RNF115: variants seen among roughly 807,000 people sequenced by gnomAD.
RNF115 encodes the protein E3 ubiquitin-protein ligase RNF115.
In RNF115, 31 loss-of-function variants were observed where a neutral mutation model predicts 39.2. The ratio of observed to expected loss-of-function variants is 0.79; its 90% CI spans 0.59 to 1.07. RNF115 has a LOEUF of 1.07. Among genes scored for constraint, RNF115 ranks in the 50% least tolerant of loss-of-function variants. The pLI is 0.00. For missense variants in RNF115, 384 were observed against 381.7 expected (o/e 1.01, Z -0.05); for synonymous variants, 124 against 131.0 (o/e 0.95, Z 0.37).
chr1:145,751,358 G>T (rs1658079233), intron 6 of RNF115, 80 bp downstream of exon 6: 24 of 992,604 alleles, frequency 2.4e-5, no homozygotes, highest in Non-Finnish European at 3.4e-5. Context: ...TGCCATTTCA[G>T]AAAGTAGCAG....
chr1:145,754,542 T>A (rs1450511887), intron 4 of RNF115, among the ~76,000 whole-genome samples: 2 of 152,090 alleles, frequency 1.3e-5, no homozygotes, highest in Non-Finnish European at 1.5e-5. Context: ...TTAGTAGAGA[T>A]GGGGTTTCAC....
intron 3 of RNF115, among the ~76,000 whole-genome samples, chr1:145,775,711 A>T (rs913860060): frequency 1.4e-4 from 22 of 152,060 alleles, no homozygotes; most frequent in Admixed American, 1.4e-3. Context: ...ATCTTATTGT[A>T]ACCGGGCGCA....
chr1:145,801,098 G>A (rs1159398944), intron 1 of RNF115, among the ~76,000 whole-genome samples: 1 of 152,076 alleles, frequency 6.6e-6, no homozygotes. Flanking sequence ...ATGAACCCAA[G>A]AGGCAGGGCT....
intron 1 of RNF115, among the ~76,000 whole-genome samples, chr1:145,789,700 CTTTTT>C (rs67276251): frequency 4.6e-5 from 4 of 86,766 alleles, no homozygotes; most frequent in Non-Finnish European, 8.3e-5. Flanking sequence ...ACCCGGACTT[CTTTTT>C]TTTTTTTTTT....
chr1:145,763,910 CTCTCCCCATGG>C (rs1658637081), intron 4 of RNF115, among the ~76,000 whole-genome samples: 4 of 146,838 alleles, frequency 2.7e-5, no homozygotes, highest in African/African-American at 1.0e-4. Context: ...CCCCCTCTCC[CTCTCCCCATGG>C]TCTCCCTCTC....
chr1:145,751,688 T>C (rs1251487094), intron 5 of RNF115, among the ~76,000 whole-genome samples, 178 bp from the exon 6 acceptor site: 1 of 152,198 alleles, frequency 6.6e-6, no homozygotes, highest in African/African-American at 2.4e-5. Flanking sequence ...TATCCAGAGA[T>C]AGTACCTCAT....
intron 4 of RNF115, among the ~76,000 whole-genome samples, chr1:145,759,756 G>A (rs1474705560): frequency 6.6e-6 from 1 of 151,936 alleles, no homozygotes; most frequent in African/African-American, 2.4e-5. Flanking sequence ...TGCCAACTAG[G>A]CTTCATATAA....
In RNF115 at chr1:145,752,409, AGACCT is replaced by A. The variant is rs1571707411; in HGVS notation, c.500+564_500+568del. 2.0e-5 allele frequency among the ~76,000 whole-genome samples: 3 copies of A among 152,166 alleles called. 1 individual carries two copies. The highest frequency in any genetic ancestry group is 4.4e-5 in the Non-Finnish European group (3 of 68,010). ...CATTCTCTACCTCAATACAACTCTC[AGACCT>A]GAATATAAAAGGAATCAAGACATTT... On this transcript the variant is annotated intron_variant, in intron 5 of 8. Transcript: ENST00000582693.
chr1:145,794,583 TG>T (rs1648855219), intron 1 of RNF115, among the ~76,000 whole-genome samples: 1 of 147,770 alleles, frequency 6.8e-6, no homozygotes. Flanking sequence ...GATCTCCTAT[TG>T]GAATCATGTG....
At chr1:145,786,930 T>C (rs1160806090) in intron 2 of RNF115, 1 of 526,396 alleles carries the variant, frequency 1.9e-6, no homozygotes, top group Non-Finnish European at 3.3e-6. Flanking sequence ...ATAGATCCCA[T>C]GCCACATATT....
intron 4 of RNF115, among the ~76,000 whole-genome samples, chr1:145,767,663 T>C (rs1553715185): frequency 6.6e-6 from 1 of 152,174 alleles, no homozygotes; most frequent in Non-Finnish European, 1.5e-5. Flanking sequence ...ATCACGCCAC[T>C]GCACTCCAGC....
chr1:145,809,488 A>ACTTTTTTT (rs1649604355), intron 1 of RNF115, among the ~76,000 whole-genome samples: 1 of 46,344 alleles, frequency 2.2e-5, no homozygotes, highest in Admixed American at 3.6e-4. Flanking sequence ...GACCCAGCTA[A>ACTTTTTTT]TTTTTTTTTT....
intron 4 of RNF115, among the ~76,000 whole-genome samples, chr1:145,770,761 C>G (rs1461408714): frequency 6.6e-6 from 1 of 152,168 alleles, no homozygotes; most frequent in East Asian, 1.9e-4. Context: ...AAGCACAGTC[C>G]TCTGCATATG....
chr1:145,813,545 A>G (rs1649828149), intron 1 of RNF115, among the ~76,000 whole-genome samples: 1 of 152,200 alleles, frequency 6.6e-6, no homozygotes, highest in African/African-American at 2.4e-5. Context: ...TACAGTATGT[A>G]ACTTGAGAGG....
At chr1:145,765,170 T>A (rs1039006869) in intron 4 of RNF115, among the ~76,000 whole-genome samples, 4 of 152,184 alleles carry the variant, frequency 2.6e-5, no homozygotes, top group Non-Finnish European at 4.4e-5. Flanking sequence ...CAGGGTTAAA[T>A]GGATTAAGGG....
In RNF115 at chr1:145,797,106, A is replaced by G. The variant is rs587717092; in HGVS notation, c.103-8140T>C. On this transcript the variant is annotated intron_variant, in intron 1 of 8. Transcript: ENST00000582693. ...GAAACCTCAAACCCCTCAACCCATC[A>G]TGATTGCCTAAGTGACCTCCTGCTT... Among the ~76,000 whole-genome samples, 20 of 152,280 alleles carry G rather than the reference A, an allele frequency of 1.3e-4. No homozygotes were observed. In the South Asian group the frequency reaches 3.7e-3, roughly 28 times the overall value.
intron 1 of RNF115, among the ~76,000 whole-genome samples, chr1:145,812,767 C>T (rs1434498346): frequency 2.0e-5 from 3 of 151,824 alleles, no homozygotes; most frequent in Non-Finnish European, 4.4e-5. Context: ...AAATCACTGG[C>T]GCCAACTCAC....
intron 4 of RNF115, among the ~76,000 whole-genome samples, chr1:145,764,533 C>T (rs1273654557): frequency 1.3e-5 from 2 of 151,332 alleles, no homozygotes; most frequent in Admixed American, 6.6e-5. Context: ...GCAGCCGCCC[C>T]GTCTGAGAAG....
At position 145,744,718 on chromosome 1, in the gene RNF115, A is replaced by C. The variant is rs587637056; in HGVS notation, c.*2148T>G. Reference sequence around the variant, plus strand: ...TGGTGTTTTTGTTCTGATCATTCTAAACTGATCATTCTGATCATTGTTGTG... The same window carrying C: ...TGGTGTTTTTGTTCTGATCATTCTACACTGATCATTCTGATCATTGTTGTG... On this transcript the variant is annotated 3_prime_UTR_variant, in exon 9 of 9. Coordinates refer to ENST00000582693, the MANE Select transcript of RNF115 (RefSeq NM_014455.4). 2.0e-4 allele frequency: 30 copies of C among 152,318 alleles called. No individual in the cohort carries two copies. Among genetic ancestry groups the C allele is most frequent in the African/African-American group, 7.0e-4 (29 of 41,564 alleles). 9.4% of individuals were successfully genotyped at this position (152,318 alleles called of 1,614,324 possible).
Sources: allele counts gnomAD v4.1 joint callset (sites outside exome capture counted in the v4.1 genomes callset), GRCh38; gene constraint gnomAD v4.1.1; transcripts MANE v1.5; gene names NCBI Gene and HGNC (gene_info 2026-07-23, HGNC 2026-07-21).